LRRTM4: variants seen among roughly 807,000 people sequenced by gnomAD.
LRRTM4 encodes leucine-rich repeat transmembrane neuronal protein 4.
A neutral mutation model predicts 47.6 loss-of-function variants in LRRTM4; 25 were observed. That is an observed-to-expected ratio of 0.53 (90% confidence interval 0.38 to 0.73). The LOEUF is 0.73. LRRTM4 is among the 30% of genes least tolerant of loss of function. LRRTM4 has a pLI of 0.00. For synonymous variants in LRRTM4, 311 were observed against 269.5 expected, an observed-to-expected ratio of 1.15 and a Z score of -1.51; for missense variants, 638 against 713.4, an observed-to-expected ratio of 0.89 and a Z score of 1.20.
chr2:76,798,318 A>G (rs1161875964), intron 3 of LRRTM4, among the ~76,000 whole-genome samples: 1 of 152,108 alleles, frequency 6.6e-6, no homozygotes, highest in Non-Finnish European at 1.5e-5. Flanking sequence ...ACTCAACTAC[A>G]TGGAAACTGA....
chr2:77,045,132 C>G (rs534456810), intron 3 of LRRTM4, among the ~76,000 whole-genome samples: 2 of 151,774 alleles, frequency 1.3e-5, no homozygotes, highest in Admixed American at 1.3e-4. Context: ...GTTTACCCAG[C>G]ACAAATCTAG....
chr2:77,056,147 A>G (rs1679599752), intron 3 of LRRTM4, among the ~76,000 whole-genome samples: 1 of 151,560 alleles, frequency 6.6e-6, no homozygotes, highest in African/African-American at 2.4e-5. Context: ...ATATGTAACA[A>G]ACCTGCACAT....
At chr2:77,412,073 C>G (rs1220695131) in intron 3 of LRRTM4, among the ~76,000 whole-genome samples, 1 of 151,960 alleles carries the variant, frequency 6.6e-6, no homozygotes, top group Non-Finnish European at 1.5e-5. Context: ...TAAGAATGGA[C>G]CACTTGTCCC....
At chr2:76,800,864 C>T (rs888225619) in intron 3 of LRRTM4, among the ~76,000 whole-genome samples, 1 of 150,904 alleles carries the variant, frequency 6.6e-6, no homozygotes, top group Non-Finnish European at 1.5e-5. Context: ...TGCTCATCAT[C>T]ACTGGCCATC....
At chr2:77,294,678 T>A (rs1676922615) in intron 3 of LRRTM4, among the ~76,000 whole-genome samples, 1 of 152,156 alleles carries the variant, frequency 6.6e-6, no homozygotes. Flanking sequence ...CCCTGCTGCT[T>A]AGATTTATGT....
At chr2:77,115,142 A>C (rs1032368918) in intron 3 of LRRTM4, among the ~76,000 whole-genome samples, 7 of 152,054 alleles carry the variant, frequency 4.6e-5, no homozygotes, top group African/African-American at 1.4e-4. Context: ...TCAATTATTA[A>C]TATTCCTTGC....
At chr2:77,444,932 T>C (rs973912237) in intron 3 of LRRTM4, among the ~76,000 whole-genome samples, 2 of 122,010 alleles carry the variant, frequency 1.6e-5, no homozygotes, top group African/African-American at 6.1e-5. Context: ...TCCTTTATTT[T>C]ACACACACAC....
chr2:77,510,851 A>G (rs1054560958), intron 3 of LRRTM4, among the ~76,000 whole-genome samples: 1 of 152,076 alleles, frequency 6.6e-6, no homozygotes, highest in African/African-American at 2.4e-5. Context: ...TATAAGTGTC[A>G]TAAGTTTTGA....
At chr2:76,863,879 A>T (rs572370542) in intron 3 of LRRTM4, among the ~76,000 whole-genome samples, 2 of 152,310 alleles carry the variant, frequency 1.3e-5, no homozygotes, top group Non-Finnish European at 2.9e-5. Context: ...TGGTGGCTGC[A>T]TGAGATTCAA....
At chr2:77,173,724 C>G (rs1017868168) in intron 3 of LRRTM4, among the ~76,000 whole-genome samples, 1 of 152,180 alleles carries the variant, frequency 6.6e-6, no homozygotes, top group African/African-American at 2.4e-5. Context: ...GCCTCAGCCT[C>G]CTGAGTAAGT....
At chr2:77,311,001 T>G (rs7608599) in intron 3 of LRRTM4, among the ~76,000 whole-genome samples, 3,054 of 151,900 alleles carry the variant, frequency 0.02, 47 homozygotes, top group African/African-American at 0.04. Context: ...CATATATATA[T>G]AGAGAGAGAA....
intron 3 of LRRTM4, among the ~76,000 whole-genome samples, chr2:77,006,280 G>A (rs190460064): frequency 4.6e-5 from 7 of 152,148 alleles, no homozygotes; most frequent in Non-Finnish European, 8.8e-5. Flanking sequence ...GGGAATCTAA[G>A]GAATTACAAT....
At chr2:77,503,382 T>G (rs572741670) in intron 3 of LRRTM4, among the ~76,000 whole-genome samples, 3 of 151,698 alleles carry the variant, frequency 2.0e-5, no homozygotes, top group African/African-American at 7.2e-5. Flanking sequence ...CCAAGAGGGA[T>G]AGCTTCATTC....
chr2:77,340,801 T>G (rs904543857), intron 3 of LRRTM4, among the ~76,000 whole-genome samples: 5 of 151,938 alleles, frequency 3.3e-5, no homozygotes, highest in Non-Finnish European at 5.9e-5. Context: ...TTTAATAGAA[T>G]AAAAATATAG....
chr2:76,991,837 G>C (rs990461147), intron 3 of LRRTM4, among the ~76,000 whole-genome samples: 3 of 151,544 alleles, frequency 2.0e-5, no homozygotes, highest in Non-Finnish European at 4.4e-5. Context: ...AACAAAAAAA[G>C]AAAACTCAAA....
intron 3 of LRRTM4, among the ~76,000 whole-genome samples, chr2:76,875,479 T>C (rs1672751405): frequency 6.6e-6 from 1 of 152,080 alleles, no homozygotes; most frequent in South Asian, 2.1e-4. Context: ...TGACATAAGG[T>C]TGTTGGAAAA....
intron 3 of LRRTM4, among the ~76,000 whole-genome samples, chr2:76,772,653 C>T (rs1202418332): frequency 1.3e-5 from 2 of 152,132 alleles, no homozygotes; most frequent in African/African-American, 2.4e-5. Flanking sequence ...ATTTCTTTCT[C>T]CACTCCTTTG....
intron 3 of LRRTM4, among the ~76,000 whole-genome samples, chr2:77,310,683 G>T (rs1325769464): frequency 2.0e-5 from 3 of 152,112 alleles, no homozygotes; most frequent in African/African-American, 7.2e-5. Context: ...GTCTGATGTG[G>T]CAGCAAAGGC....
At chr2:77,036,615 A>G (rs1165189207) in intron 3 of LRRTM4, among the ~76,000 whole-genome samples, 5 of 151,678 alleles carry the variant, frequency 3.3e-5, no homozygotes, top group Non-Finnish European at 5.9e-5. Context: ...ATCTCTTAAA[A>G]TATTACGTAT....
Sources: gnomAD v4.1 joint callset for allele counts (sites outside exome capture counted in the v4.1 genomes callset) on GRCh38, gnomAD v4.1.1 for gene constraint, MANE v1.5 for transcripts, NCBI Gene and HGNC (gene_info 2026-07-23, HGNC 2026-07-21) for gene names.